RAP1GDS1: variants seen among roughly 807,000 people sequenced by gnomAD.
The protein encoded by RAP1GDS1 is Rap1 GTPase-GDP dissociation stimulator 1.
RAP1GDS1 carries 35 observed loss-of-function variants against 71.1 expected under a neutral mutation model. The observed-to-expected ratio is 0.49, with a 90% CI of 0.38 to 0.65. RAP1GDS1 has a LOEUF of 0.65. Among genes scored for constraint, RAP1GDS1 ranks in the 30% least tolerant of loss-of-function variants. RAP1GDS1 has a pLI of 0.00. For missense variants in RAP1GDS1, 663 were observed against 706.1 expected, an observed-to-expected ratio of 0.94 and a Z score of 0.69; for synonymous variants, 229 against 243.1, an observed-to-expected ratio of 0.94 and a Z score of 0.54.
At chr4:98,326,077 TCA>T in intron 2 of RAP1GDS1, among the ~76,000 whole-genome samples, 1 of 152,334 alleles carries the variant, frequency 6.6e-6, no homozygotes, top group African/African-American at 2.4e-5. Flanking sequence ...TCAGTAACAA[TCA>T]CAGTTTTCTC....
At position 98,442,033 on chromosome 4, in the gene RAP1GDS1, C is replaced by T. The variant is rs56262026; in HGVS notation, c.1740C>T (p.Val580=). The change falls in exon 15 of 15, where the codon GTC becomes GTT. Residue 580 remains valine, a synonymous_variant. Transcript: ENST00000408927. Reference sequence around the variant, plus strand: ...TACAGGATTTGGCTTTTCTAGATGTCGTATCCAAACTTCGCAGTCATGAGA... The same window carrying T: ...TACAGGATTTGGCTTTTCTAGATGTTGTATCCAAACTTCGCAGTCATGAGA... ...KEVQDLAFLD[V]VSKLRSHENK... The T allele has an allele frequency of 7.5e-4, 1,209 of 1,613,934 alleles. 17 individuals are homozygous for T. The African/African-American group carries it at 0.014, about 18-fold the overall frequency.
intron 13 of RAP1GDS1, among the ~76,000 whole-genome samples, chr4:98,434,886 C>T (rs751867394): frequency 4.6e-5 from 7 of 151,980 alleles, no homozygotes; most frequent in South Asian, 2.1e-4. Flanking sequence ...CCTCCCAAAG[C>T]GCTGGGATTA....
At chr4:98,420,964 G>A (rs1334033663) in intron 11 of RAP1GDS1, among the ~76,000 whole-genome samples, 3 of 152,152 alleles carry the variant, frequency 2.0e-5, no homozygotes, top group Non-Finnish European at 4.4e-5. Flanking sequence ...TATATTGATT[G>A]CATAGAGTCT....
At chr4:98,382,748 A>C (rs1219483698) in intron 5 of RAP1GDS1, among the ~76,000 whole-genome samples, 1 of 151,530 alleles carries the variant, frequency 6.6e-6, no homozygotes, top group African/African-American at 2.4e-5. Flanking sequence ...GATACTTATT[A>C]TCGTCTAAAA....
In RAP1GDS1 at chr4:98,355,320, A is replaced by G. The variant is rs569155743; in HGVS notation, c.361+2719A>G. ...AGAATCTTCTTCTTTCAAATAAAGT[A>G]TGTTCTAAAGAGTTCATATATTTGT... is the stretch of plus-strand genomic sequence containing the variant. On this transcript the variant is annotated intron_variant, in intron 4 of 14. Transcript: ENST00000408927. Among the ~76,000 whole-genome samples the G allele has an allele frequency of 5.3e-5, 8 of 152,312 alleles. No individual in the cohort carries two copies. The South Asian group carries it at 1.7e-3, about 32-fold the overall frequency.
intron 2 of RAP1GDS1, among the ~76,000 whole-genome samples, chr4:98,328,583 A>G (rs1733486748): frequency 6.6e-6 from 1 of 152,230 alleles, no homozygotes; most frequent in African/African-American, 2.4e-5. Flanking sequence ...ACAGGTAGAT[A>G]AGAACTATTT....
At chr4:98,357,568 T>C (rs1000489408) in intron 4 of RAP1GDS1, among the ~76,000 whole-genome samples, 1 of 151,864 alleles carries the variant, frequency 6.6e-6, no homozygotes, top group African/African-American at 2.4e-5. Context: ...AAAGAGCTTT[T>C]TAAATGGTAG....
At chr4:98,283,707 G>C (rs994434988) in intron 1 of RAP1GDS1, among the ~76,000 whole-genome samples, 1 of 151,702 alleles carries the variant, frequency 6.6e-6, no homozygotes, top group South Asian at 2.1e-4. Context: ...ACTTTTTCTA[G>C]AATTTATTAT....
At chr4:98,346,151 G>A (rs941793293) in intron 3 of RAP1GDS1, among the ~76,000 whole-genome samples, 2 of 152,112 alleles carry the variant, frequency 1.3e-5, no homozygotes, top group African/African-American at 4.8e-5. Flanking sequence ...TGAGAACCAC[G>A]TTTCAGTATA....
chr4:98,420,071 A>G lies in RAP1GDS1; in HGVS notation c.1227A>G (p.Lys409=). The change falls in exon 11 of 15, where the codon AAA becomes AAG. Residue 409 remains lysine (K), a synonymous_variant. Transcript: ENST00000408927. ...LSAGVTEAVL[K]FLKSEMPPVQ... ...CTGGGGTCACAGAGGCAGTTTTGAA[A>G]TTTCTTAAATCTGAAATGCCTCCTG... 2 of 1,607,778 alleles carry G rather than the reference A, an allele frequency of 1.2e-6. No homozygotes were observed. The highest frequency in any genetic ancestry group is 1.7e-6 in the Non-Finnish European group (2 of 1,176,592).
intron 7 of RAP1GDS1, among the ~76,000 whole-genome samples, chr4:98,415,891 CT>C (rs1560985742): frequency 6.6e-6 from 1 of 152,068 alleles, no homozygotes; most frequent in South Asian, 2.1e-4. Flanking sequence ...ACCTGAAGCC[CT>C]TTTTAAAAAC....
At chr4:98,425,801 C>T (rs1252743615) in intron 12 of RAP1GDS1, among the ~76,000 whole-genome samples, 1 of 152,030 alleles carries the variant, frequency 6.6e-6, no homozygotes, top group Non-Finnish European at 1.5e-5. Context: ...CCACTGACAG[C>T]ATTAAAGAGG....
In RAP1GDS1 at chr4:98,352,595, G is replaced by T. The variant is rs753804567; in HGVS notation, c.355G>T (p.Asp119Tyr). 1 of 1,613,580 alleles carries T rather than the reference G, an allele frequency of 6.2e-7. No individual in the cohort carries two copies. Among genetic ancestry groups the T allele is most frequent in the South Asian group, 1.1e-5 (1 of 90,932 alleles). The change falls in exon 4 of 15, where the codon GAT becomes TAT. Residue 119 changes from aspartate (D) to tyrosine (Y), a missense_variant. Asp to Tyr is a radical substitution (Grantham distance 160). Coordinates refer to ENST00000408927, the MANE Select transcript of RAP1GDS1 (RefSeq NM_001100427.2). ...CAGGGCTCTAGGAAACATATGTTAC[G>T]ATAGCCGTAAGTGTTGACATCTCAA... The part of the protein sequence containing the change: ...TGRALGNICY[D>Y]SHEGRSAVDQ...
chr4:98,411,301 G>A (rs1321871817), intron 7 of RAP1GDS1, among the ~76,000 whole-genome samples: 3 of 152,150 alleles, frequency 2.0e-5, no homozygotes, highest in Non-Finnish European at 2.9e-5. Context: ...TGTGAGAAGA[G>A]ATTATCTGTA....
At chr4:98,426,658 A>G (rs1749654818) in intron 12 of RAP1GDS1, among the ~76,000 whole-genome samples, 2 of 152,136 alleles carry the variant, frequency 1.3e-5, no homozygotes, top group Admixed American at 1.3e-4. Flanking sequence ...TTGCTAGCTT[A>G]AATCAGGAAG....
chr4:98,284,126 C>T (rs1725627975), intron 1 of RAP1GDS1, among the ~76,000 whole-genome samples: 1 of 152,110 alleles, frequency 6.6e-6, no homozygotes, highest in Non-Finnish European at 1.5e-5. Flanking sequence ...TTAGCTTTCT[C>T]ATCTATTACA....
chr4:98,388,774 A>G (rs1028843066), intron 5 of RAP1GDS1, among the ~76,000 whole-genome samples: 1 of 152,084 alleles, frequency 6.6e-6, no homozygotes, highest in African/African-American at 2.4e-5. Context: ...CTGGTTCTTA[A>G]ATTTTGGTCT....
chr4:98,435,410 A>G (rs1411143624), intron 13 of RAP1GDS1, among the ~76,000 whole-genome samples: 1 of 152,162 alleles, frequency 6.6e-6, no homozygotes, highest in Non-Finnish European at 1.5e-5. Context: ...CTATATTCTT[A>G]TAATAAAGCC....
intron 14 of RAP1GDS1, among the ~76,000 whole-genome samples, chr4:98,440,823 T>G (rs1172526189): frequency 1.3e-5 from 2 of 152,194 alleles, no homozygotes; most frequent in Non-Finnish European, 2.9e-5. Context: ...GTTCAAGCGA[T>G]TCTCCTGCCT....
Sources: gnomAD v4.1 joint callset for allele counts (sites outside exome capture counted in the v4.1 genomes callset) on GRCh38, gnomAD v4.1.1 for gene constraint, MANE v1.5 for transcripts, NCBI Gene and HGNC (gene_info 2026-07-23, HGNC 2026-07-21) for gene names.